Variants in REV3L observed in about 807,000 individuals in gnomAD.
REV3L encodes REV3 like, DNA directed polymerase zeta catalytic subunit, also known as DNA polymerase zeta catalytic subunit.
In REV3L, 69 loss-of-function variants were observed where a neutral mutation model predicts 299.4. The observed-to-expected ratio is 0.23, with a 90% CI of 0.19 to 0.28. REV3L has a LOEUF of 0.28. REV3L is among the 10% of genes least tolerant of loss of function. The probability of loss-of-function intolerance (pLI) is 1.00; values close to 1 mark genes in which losing one functional copy is unlikely to be tolerated. For synonymous variants in REV3L, 1,238 were observed against 1,271.4 expected, an observed-to-expected ratio of 0.97 and a Z score of 0.56; for missense variants, 3,128 against 3,693.8, an observed-to-expected ratio of 0.85 and a Z score of 3.97.
At chr6:111,404,252 A>G (rs1783390403) in intron 4 of REV3L, among the ~76,000 whole-genome samples, 1 of 152,202 alleles carries the variant, frequency 6.6e-6, no homozygotes. Flanking sequence ...AAAAGCATGG[A>G]TGACAGTATA....
At chr6:111,467,954 A>G in intron 1 of REV3L, among the ~76,000 whole-genome samples, 1 of 152,132 alleles carries the variant, frequency 6.6e-6, no homozygotes, top group East Asian at 1.9e-4. Flanking sequence ...CGAGACTCAA[A>G]GCAACATTAT....
At chr6:111,331,623 C>T (rs1361533672) in intron 24 of REV3L, 53 bp downstream of exon 24, 1 of 1,223,616 alleles carries the variant, frequency 8.2e-7, no homozygotes, top group African/African-American at 1.5e-5. Context: ...CCATTATCAG[C>T]TCTCCAAAAG....
At chr6:111,349,383 T>A in intron 19 of REV3L, 47 bp from the exon 20 acceptor site, 3 of 871,992 alleles carry the variant, frequency 3.4e-6, no homozygotes, top group Non-Finnish European at 5.5e-6. Flanking sequence ...GAAAACAAAC[T>A]TTCAATAAAA....
At chr6:111,382,287 G>A (rs779029365) in intron 9 of REV3L, among the ~76,000 whole-genome samples, 1 of 152,156 alleles carries the variant, frequency 6.6e-6, no homozygotes, top group African/African-American at 2.4e-5. Context: ...TTTTAACAAC[G>A]TATCAAGGAA....
At position 111,300,172 on chromosome 6, in the gene REV3L, A is replaced by AC. The variant is rs1771321734; in HGVS notation, c.9253-17_9253-16insG. 1 of 1,545,316 alleles carries AC rather than the reference A, an allele frequency of 6.5e-7. No individual in the cohort carries two copies. Among genetic ancestry groups the AC allele is most frequent in the Non-Finnish European group, 8.7e-7 (1 of 1,150,452 alleles). ...TCTTGCATATCTGAAAGCATAAGAG[A>AC]AATACAAAAAATAATAGGAAAGTTT... On this transcript the variant is annotated splice_polypyrimidine_tract_variant and intron_variant, in intron 31 of 31. Coordinates refer to ENST00000368802, the MANE Select transcript of REV3L (RefSeq NM_001372078.1).
intron 1 of REV3L, among the ~76,000 whole-genome samples, chr6:111,473,616 A>T (rs529460472): frequency 1.2e-4 from 18 of 151,910 alleles, no homozygotes; most frequent in South Asian, 8.3e-4. Flanking sequence ...AATATTAATA[A>T]TATTATTATA....
chr6:111,448,267 T>C (rs1203477098), intron 1 of REV3L, among the ~76,000 whole-genome samples: 3 of 152,190 alleles, frequency 2.0e-5, no homozygotes, highest in African/African-American at 7.2e-5. Context: ...GTTTATACCA[T>C]GCAACGAAGA....
At chr6:111,468,266 T>TCACA (rs1437326360) in intron 1 of REV3L, among the ~76,000 whole-genome samples, 12 of 152,328 alleles carry the variant, frequency 7.9e-5, no homozygotes, top group African/African-American at 2.6e-4. Context: ...CTAAATGTGA[T>TCACA]TTAAAAGCCT....
intron 30 of REV3L, chr6:111,308,277 A>G (rs1352208214): frequency 4.4e-6 from 2 of 453,994 alleles, no homozygotes; most frequent in Admixed American, 2.4e-5. Flanking sequence ...TTAGCCTCTT[A>G]CAAATGTCAT....
intron 1 of REV3L, among the ~76,000 whole-genome samples, chr6:111,451,844 A>G (rs1789583570): frequency 1.6e-5 from 2 of 123,984 alleles, no homozygotes; most frequent in South Asian, 5.9e-4. Flanking sequence ...GAATCACGAA[A>G]GGAAAAAAAA....
chr6:111,409,443 AG>A (rs1384716405), intron 3 of REV3L, among the ~76,000 whole-genome samples: 1 of 152,072 alleles, frequency 6.6e-6, no homozygotes, highest in Non-Finnish European at 1.5e-5. Context: ...ATTTGAGACA[AG>A]GTGCCAGATT....
chr6:111,378,378 T>C (rs796874385), intron 11 of REV3L, among the ~76,000 whole-genome samples: 170 of 152,332 alleles, frequency 1.1e-3, no homozygotes, highest in African/African-American at 4.0e-3. Context: ...ACTTTTTTCC[T>C]ATCCATACCC....
In REV3L at chr6:111,375,635, TCA is replaced by T; in HGVS notation, c.2718_2719del (p.Glu907AlafsTer9). 1 of 1,613,890 alleles carries T rather than the reference TCA, an allele frequency of 6.2e-7. No homozygotes were observed. The highest frequency in any genetic ancestry group is 8.5e-7 in the Non-Finnish European group (1 of 1,179,890). ...ATTTCCATATAGTCCAAAGGACTGC[TCA>T]GTTTCTAACGTTCCATCTCCAAAGT... is the stretch of plus-strand genomic sequence containing the variant. On this transcript the variant is annotated frameshift_variant, in exon 13 of 32. Coordinates refer to ENST00000368802, the MANE Select transcript of REV3L (RefSeq NM_001372078.1). LOFTEE classifies it high-confidence loss of function.
At chr6:111,414,590 G>A (rs549096739) in intron 2 of REV3L, among the ~76,000 whole-genome samples, 1 of 152,256 alleles carries the variant, frequency 6.6e-6, no homozygotes, top group African/African-American at 2.4e-5. Flanking sequence ...TACTATCATG[G>A]TCCAGAGGAA....
chr6:111,480,535 T>C (rs1446215977), intron 1 of REV3L, among the ~76,000 whole-genome samples: 1 of 152,156 alleles, frequency 6.6e-6, no homozygotes, highest in Non-Finnish European at 1.5e-5. Flanking sequence ...ACTGGGAGTT[T>C]CTGACGTGCT....
At chr6:111,447,128 T>C (rs544824912) in intron 1 of REV3L, among the ~76,000 whole-genome samples, 1 of 152,284 alleles carries the variant, frequency 6.6e-6, no homozygotes, top group African/African-American at 2.4e-5. Flanking sequence ...TATTTTAGCA[T>C]ACTGAAGGAA....
chr6:111,363,816 G>A, intron 16 of REV3L, 37 bp downstream of exon 16: 1 of 1,597,116 alleles, frequency 6.3e-7, no homozygotes, highest in Non-Finnish European at 8.5e-7. Flanking sequence ...GAGTTAAACT[G>A]AACACAATGT....
chr6:111,335,711 T>C lies in REV3L; in HGVS notation c.7539-101A>G, dbSNP rs240953. The C allele has an allele frequency of 0.028, 32,957 of 1,192,088 alleles. 647 individuals carry two copies. Among genetic ancestry groups the C allele is most frequent in the South Asian group, 0.074 (4,502 of 60,994 alleles). The allele number at this position is 1,192,088 out of a possible 1,614,324, so 73.8% of individuals were successfully genotyped here. ...AAAAATCTACATGCTAAAAGTGAGG[T>C]TACTTAAGGAAAGAGTAATGATATG... On this transcript the variant is annotated intron_variant, in intron 21 of 31. Coordinates refer to ENST00000368802, the MANE Select transcript of REV3L (RefSeq NM_001372078.1).
chr6:111,431,920 G>A, intron 1 of REV3L: 1 of 363,846 alleles, frequency 2.7e-6, no homozygotes, highest in South Asian at 4.5e-5. Flanking sequence ...ATGTTCCAGA[G>A]GTTGGACTTG....
Sources: gnomAD v4.1 joint callset for allele counts (sites outside exome capture counted in the v4.1 genomes callset) on GRCh38, gnomAD v4.1.1 for gene constraint, MANE v1.5 for transcripts, NCBI Gene and HGNC (gene_info 2026-07-23, HGNC 2026-07-21) for gene names.